HDAC9: variants seen among roughly 807,000 people sequenced by gnomAD.
HDAC9 encodes MEF-2 interacting transcription repressor (MITR) protein.
Under a neutral mutation model 139.4 loss-of-function variants are expected in HDAC9, and 41 were observed. The ratio of observed to expected loss-of-function variants is 0.29; its 90% CI spans 0.23 to 0.38. The LOEUF is 0.38. Ranked by LOEUF, HDAC9 falls within the 10% of genes least tolerant of loss-of-function variation. The pLI, the probability that HDAC9 is intolerant of heterozygous loss-of-function variation, is 1.00. For missense variants in HDAC9, 1,147 were observed against 1,297.0 expected (o/e 0.88, Z 1.78); for synonymous variants, 517 against 476.2 (o/e 1.09, Z -1.12).
intron 23 of HDAC9, among the ~76,000 whole-genome samples, chr7:18,950,168 G>A (rs1001862824): frequency 6.6e-6 from 1 of 151,886 alleles, no homozygotes; most frequent in African/African-American, 2.4e-5. Context: ...TCATTCTATT[G>A]CTTTTTCTTC....
intron 2 of HDAC9, among the ~76,000 whole-genome samples, chr7:18,527,416 A>G (rs148166208): frequency 6.0e-4 from 92 of 152,284 alleles, no homozygotes; most frequent in African/African-American, 2.1e-3. Context: ...AAGTTTAAAC[A>G]TTGAGAAAAT....
At chr7:18,329,607 G>A (rs1203616095) in intron 1 of HDAC9, among the ~76,000 whole-genome samples, 1 of 150,890 alleles carries the variant, frequency 6.6e-6, no homozygotes, top group Non-Finnish European at 1.5e-5. Flanking sequence ...AATGTTTGAT[G>A]ATACTGGTCT....
chr7:18,665,589 G>C (rs1044233940), intron 11 of HDAC9, among the ~76,000 whole-genome samples: 7 of 151,920 alleles, frequency 4.6e-5, no homozygotes, highest in South Asian at 2.1e-4. Flanking sequence ...ATTTGAGTCT[G>C]TTCATAAAAC....
intron 2 of HDAC9, among the ~76,000 whole-genome samples, chr7:18,522,618 A>C (rs1261874667): frequency 1.4e-5 from 2 of 142,996 alleles, no homozygotes; most frequent in African/African-American, 5.4e-5. Flanking sequence ...AACAAAAAAC[A>C]AAAAAAAAAA....
At chr7:18,553,135 T>A (rs865994622) in intron 2 of HDAC9, among the ~76,000 whole-genome samples, 5 of 152,176 alleles carry the variant, frequency 3.3e-5, no homozygotes, top group Admixed American at 6.5e-5. Flanking sequence ...TAAACCATTG[T>A]GTATTTTGGC....
intron 1 of HDAC9, among the ~76,000 whole-genome samples, chr7:18,363,413 C>T (rs1380901385): frequency 1.3e-5 from 2 of 152,006 alleles, no homozygotes; most frequent in Non-Finnish European, 2.9e-5. Context: ...CACACATTTG[C>T]CCATTTTTGT....
At chr7:18,450,479 C>T (rs76747387) in intron 1 of HDAC9, among the ~76,000 whole-genome samples, 3,789 of 152,240 alleles carry the variant, frequency 0.025, 141 homozygotes, top group African/African-American at 0.086. Context: ...AGCTTGTAAA[C>T]TTATTTTTAG....
intron 3 of HDAC9, among the ~76,000 whole-genome samples, chr7:18,587,717 C>A (rs1829853681): frequency 6.6e-6 from 1 of 152,180 alleles, no homozygotes; most frequent in Non-Finnish European, 1.5e-5. Flanking sequence ...CAGTCTTGCC[C>A]TGTCTGCCTC....
At chr7:18,688,244 C>T (rs995080587) in intron 12 of HDAC9, among the ~76,000 whole-genome samples, 1 of 151,622 alleles carries the variant, frequency 6.6e-6, no homozygotes, top group South Asian at 2.1e-4. Flanking sequence ...TCTCAGAGAG[C>T]AAGAAATGAT....
chr7:18,538,259 G>T (rs918730817), intron 2 of HDAC9, among the ~76,000 whole-genome samples: 1 of 152,128 alleles, frequency 6.6e-6, no homozygotes, highest in Non-Finnish European at 1.5e-5. Context: ...TATCCTACTA[G>T]TGACAGGTCC....
At chr7:18,837,448 A>G (rs922772406) in intron 21 of HDAC9, among the ~76,000 whole-genome samples, 5 of 152,216 alleles carry the variant, frequency 3.3e-5, no homozygotes, top group Middle Eastern at 3.4e-3. Context: ...TAACAGGATA[A>G]TAGACTTCAA....
chr7:18,402,687 G>A (rs542321778), intron 1 of HDAC9, among the ~76,000 whole-genome samples: 19 of 152,306 alleles, frequency 1.2e-4, no homozygotes, highest in Middle Eastern at 3.4e-3. Flanking sequence ...TGTGAATAAT[G>A]AACATAGAGG....
chr7:18,550,564 A>G (rs1434167300), intron 2 of HDAC9, among the ~76,000 whole-genome samples: 1 of 152,212 alleles, frequency 6.6e-6, no homozygotes, highest in African/African-American at 2.4e-5. Context: ...TGGAATAAAG[A>G]AAGAGTTAAG....
At position 18,908,375 on chromosome 7, in the gene HDAC9, A is replaced by G. The variant is rs117145435; in HGVS notation, c.2804-27434A>G. ...AACATATCCATCACCTCAAGCGCTT[A>G]TCATTTCTTTGTGATGGGAACATTC... On this transcript the variant is annotated intron_variant, in intron 22 of 25. Transcript: ENST00000686413. Among the ~76,000 whole-genome samples the G allele has an allele frequency of 7.9e-5, 12 of 152,252 alleles. No individual in the cohort carries two copies. In the East Asian group the frequency reaches 2.3e-3, roughly 29 times the overall value.
intron 2 of HDAC9, among the ~76,000 whole-genome samples, chr7:18,224,793 T>G (rs1382474051): frequency 6.6e-6 from 1 of 151,952 alleles, no homozygotes; most frequent in Non-Finnish European, 1.5e-5. Context: ...GGATGTAAAG[T>G]AATTACAATA....
intron 23 of HDAC9, among the ~76,000 whole-genome samples, chr7:18,947,378 A>C (rs2246313): frequency 0.038 from 5,713 of 152,018 alleles, 348 homozygotes; most frequent in African/African-American, 0.13. Context: ...ACAAAGAAAA[A>C]GCATGCATGC....
intron 21 of HDAC9, among the ~76,000 whole-genome samples, chr7:18,869,515 C>A (rs1283241412): frequency 6.6e-6 from 1 of 152,032 alleles, no homozygotes; most frequent in South Asian, 2.1e-4. Flanking sequence ...TAACTGTGAG[C>A]CAATTAAAGC....
chr7:18,284,537 C>T (rs2128221524), intron 2 of HDAC9, among the ~76,000 whole-genome samples: 1 of 152,206 alleles, frequency 6.6e-6, no homozygotes, highest in East Asian at 1.9e-4. Flanking sequence ...GCCTGTATTC[C>T]ATTATAAAAT....
chr7:18,722,400 T>G (rs1785211960), intron 12 of HDAC9, among the ~76,000 whole-genome samples: 1 of 152,214 alleles, frequency 6.6e-6, no homozygotes, highest in Non-Finnish European at 1.5e-5. Flanking sequence ...TATCTAATTT[T>G]TATTAACAGT....
Sources: gnomAD v4.1 joint callset for allele counts (sites outside exome capture counted in the v4.1 genomes callset) on GRCh38, gnomAD v4.1.1 for gene constraint, MANE v1.5 for transcripts, NCBI Gene and HGNC (gene_info 2026-07-23, HGNC 2026-07-21) for gene names.